The following WWC2 variants were observed in gnomAD, a reference collection of about 807,000 sequenced individuals.
The protein encoded by WWC2 is WW and C2 domain containing 2.
Under a neutral mutation model 138.5 loss-of-function variants are expected in WWC2, and 101 were observed. That is an observed-to-expected ratio of 0.73 (90% CI 0.62 to 0.86). The LOEUF (loss-of-function observed/expected upper bound fraction) is 0.86, where lower values mean the gene tolerates loss of function less well. Among genes scored for constraint, WWC2 ranks in the 40% least tolerant of loss-of-function variants. The pLI, the probability that WWC2 is intolerant of heterozygous loss-of-function variation, is 0.00. For missense variants in WWC2, 1,420 were observed against 1,419.4 expected (o/e 1.00, Z -0.01); for synonymous variants, 558 against 538.4 (o/e 1.04, Z -0.50).
At chr4:183,234,789 T>G (rs1736363979) in intron 4 of WWC2, among the ~76,000 whole-genome samples, 1 of 152,178 alleles carries the variant, frequency 6.6e-6, no homozygotes, top group South Asian at 2.1e-4. Flanking sequence ...CTTATGAACT[T>G]AGCTCTCATT....
At chr4:183,116,727 A>G (rs989024323) in intron 1 of WWC2, among the ~76,000 whole-genome samples, 1 of 152,254 alleles carries the variant, frequency 6.6e-6, no homozygotes, top group Admixed American at 6.5e-5. Context: ...TAGCATCTGT[A>G]TTAAAACTAC....
intron 1 of WWC2, among the ~76,000 whole-genome samples, chr4:183,143,224 A>G (rs1176938290): frequency 6.6e-6 from 1 of 152,210 alleles, no homozygotes; most frequent in African/African-American, 2.4e-5. Flanking sequence ...GCCTTGGGTC[A>G]GAAGAAAGCC....
intron 1 of WWC2, among the ~76,000 whole-genome samples, chr4:183,135,986 C>T (rs1733100984): frequency 6.6e-6 from 1 of 151,204 alleles, no homozygotes; most frequent in Non-Finnish European, 1.5e-5. Flanking sequence ...TTCTTCTCTT[C>T]CCCTTTTATT....
intron 1 of WWC2, among the ~76,000 whole-genome samples, chr4:183,172,556 GTTT>G (rs61599876): frequency 8.8e-5 from 10 of 113,068 alleles, no homozygotes; most frequent in Non-Finnish European, 1.3e-4. Context: ...TATGTTTCTT[GTTT>G]TTTTTTTTTT....
chr4:183,217,939 AC>A (rs1299432897), intron 4 of WWC2, among the ~76,000 whole-genome samples: 3 of 152,160 alleles, frequency 2.0e-5, no homozygotes, highest in African/African-American at 4.8e-5. Context: ...AAAAGATCAT[AC>A]CAAAGCACAT....
At chr4:183,154,002 C>CAAAAA (rs35002790) in intron 1 of WWC2, among the ~76,000 whole-genome samples, 4 of 71,642 alleles carry the variant, frequency 5.6e-5, no homozygotes, top group Non-Finnish European at 9.6e-5. Context: ...CTTTAAAAAG[C>CAAAAA]AAAAAAAAAA....
In WWC2 at chr4:183,168,204, A is replaced by G. The variant is rs186513899; in HGVS notation, c.132-25395A>G. On this transcript the variant is annotated intron_variant, in intron 1 of 22. Coordinates refer to ENST00000403733, the MANE Select transcript of WWC2 (RefSeq NM_024949.6). Reference sequence around the variant, plus strand: ...TTTTTTTTTTTTTTTTAAGATTTAGAAAGATCCTTGTAACTACTGCGAGAT... The same window carrying G: ...TTTTTTTTTTTTTTTTAAGATTTAGGAAGATCCTTGTAACTACTGCGAGAT... 5.9e-3 allele frequency among the ~76,000 whole-genome samples: 793 copies of G among 133,668 alleles called. 6 individuals are homozygous for G. Among genetic ancestry groups the G allele is most frequent in the Non-Finnish European group, 9.7e-3 (610 of 63,140 alleles). 87.7% of individuals were successfully genotyped at this position (133,668 alleles called of 152,430 possible). A position where few individuals can be genotyped will look rare whatever the true frequency, so the allele number is the denominator to read the frequency against.
At chr4:183,157,317 C>G (rs776677790) in intron 1 of WWC2, among the ~76,000 whole-genome samples, 3 of 152,142 alleles carry the variant, frequency 2.0e-5, no homozygotes, top group Non-Finnish European at 4.4e-5. Flanking sequence ...TACGCTGTGT[C>G]CTTCTCAACA....
intron 17 of WWC2, chr4:183,281,232 T>C: frequency 2.8e-6 from 1 of 359,710 alleles, no homozygotes; most frequent in Middle Eastern, 7.3e-4. Flanking sequence ...TAAAAGTGAC[T>C]CTATTTTTCT....
intron 1 of WWC2, among the ~76,000 whole-genome samples, chr4:183,127,814 A>G (rs1033291384): frequency 7.2e-5 from 11 of 152,184 alleles, no homozygotes; most frequent in Non-Finnish European, 7.3e-5. Flanking sequence ...TTGAAAACAT[A>G]TATATGTAAC....
intron 8 of WWC2, among the ~76,000 whole-genome samples, 172 bp downstream of exon 8, chr4:183,250,165 C>T (rs753421886): frequency 1.3e-5 from 2 of 150,848 alleles, no homozygotes; most frequent in African/African-American, 2.4e-5. Context: ...TTCTTCCCCC[C>T]GCCCTCCACC....
intron 21 of WWC2, among the ~76,000 whole-genome samples, chr4:183,306,506 C>T (rs1005438070): frequency 7.3e-5 from 11 of 151,040 alleles, no homozygotes; most frequent in African/African-American, 2.2e-4. Context: ...AAAAGTTATC[C>T]AGGATTTAAA....
chr4:183,140,022 A>G (rs1447756851), intron 1 of WWC2, among the ~76,000 whole-genome samples: 2 of 152,114 alleles, frequency 1.3e-5, no homozygotes, highest in East Asian at 1.9e-4. Context: ...ATGTTGGCCA[A>G]GCTGGTCTCG....
rs770609371 is a variant in WWC2 at position 183,155,189 on chromosome 4, G to GGAGAGAGA, written c.132-38382_132-38375dup. 1.0e-3 allele frequency among the ~76,000 whole-genome samples: 106 copies of GGAGAGAGA among 103,660 alleles called. 1 individual carries two copies. The highest frequency in any genetic ancestry group is 2.4e-3 in the African/African-American group (71 of 29,168). 68.0% of individuals were successfully genotyped at this position (103,660 alleles called of 152,430 possible). A position where few individuals can be genotyped will look rare whatever the true frequency, so the allele number is the denominator to read the frequency against. ...AAGTTCTAATGACTTCATCTTCTGA[G>GGAGAGAGA]GAGAGAGAGAGAGAGAGAGAGAGAG... is the stretch of plus-strand genomic sequence containing the variant. On this transcript the variant is annotated intron_variant, in intron 1 of 22. Coordinates refer to ENST00000403733, the MANE Select transcript of WWC2 (RefSeq NM_024949.6).
chr4:183,116,704 T>C (rs901991237), intron 1 of WWC2, among the ~76,000 whole-genome samples: 2 of 152,276 alleles, frequency 1.3e-5, no homozygotes, highest in Admixed American at 6.5e-5. Context: ...TTAATTCTTA[T>C]GCTACCTGTT....
intron 16 of WWC2, among the ~76,000 whole-genome samples, chr4:183,273,964 C>G (rs1334464606): frequency 6.6e-6 from 1 of 152,118 alleles, no homozygotes; most frequent in African/African-American, 2.4e-5. Flanking sequence ...ATGCAGTTGT[C>G]CCAGCACCAT....
intron 1 of WWC2, among the ~76,000 whole-genome samples, chr4:183,102,106 T>C (rs1441466401): frequency 6.6e-6 from 1 of 152,216 alleles, no homozygotes; most frequent in African/African-American, 2.4e-5. Context: ...GTGAATGACG[T>C]CATTCAAACT....
chr4:183,131,459 A>G (rs1732921978), intron 1 of WWC2, among the ~76,000 whole-genome samples: 1 of 152,232 alleles, frequency 6.6e-6, no homozygotes, highest in Admixed American at 6.5e-5. Context: ...TTGTATGTTT[A>G]TAGGCCATTC....
At chr4:183,292,073 G>A (rs374960187) in intron 21 of WWC2, among the ~76,000 whole-genome samples, 3 of 151,642 alleles carry the variant, frequency 2.0e-5, no homozygotes, top group South Asian at 4.2e-4. Flanking sequence ...GCATGCACCT[G>A]TGGTCCCAAT....
Sources: allele counts gnomAD v4.1 joint callset (sites outside exome capture counted in the v4.1 genomes callset), GRCh38; gene constraint gnomAD v4.1.1; transcripts MANE v1.5; gene names NCBI Gene and HGNC (gene_info 2026-07-23, HGNC 2026-07-21).